The following ABI1 variants were observed in gnomAD, a reference collection of about 807,000 sequenced individuals.
ABI1 encodes abl interactor 1, also known as Abelson interactor 1.
Under a neutral mutation model 54.6 loss-of-function variants are expected in ABI1, and 14 were observed. The observed-to-expected ratio is 0.26, with a 90% confidence interval of 0.17 to 0.40. The LOEUF (loss-of-function observed/expected upper bound fraction) is 0.40. ABI1 is among the 10% of genes least tolerant of loss of function. The pLI is 1.00. For missense variants in ABI1, 443 were observed against 598.3 expected (o/e 0.74, Z 2.71); for synonymous variants, 194 against 209.3 (o/e 0.93, Z 0.63).
At chr10:26,851,359 T>TTTTTTTTTC (rs1564585781) in intron 1 of ABI1, among the ~76,000 whole-genome samples, 4 of 137,786 alleles carry the variant, frequency 2.9e-5, no homozygotes, top group African/African-American at 1.1e-4. Flanking sequence ...TTTTTTTTTT[T>TTTTTTTTTC]TTTTTTTTTT....
chr10:26,855,838 G>A (rs1046832552), intron 1 of ABI1, among the ~76,000 whole-genome samples: 1 of 151,982 alleles, frequency 6.6e-6, no homozygotes, highest in East Asian at 1.9e-4. Context: ...AGGCATGGTG[G>A]TGGGCACCTG....
Position 26,757,517 on chromosome 10 carries a change from T to A in ABI1, c.997+1545A>T, listed in dbSNP as rs888282682. Among the ~76,000 whole-genome samples, 10 of 151,518 alleles carry A rather than the reference T, an allele frequency of 6.6e-5. No individual in the cohort carries two copies. The East Asian group carries it at 1.7e-3, about 26-fold the overall frequency. The stretch of plus-strand genomic sequence containing the variant: ...CTAAAAATTCAGAATATGAAAAAAA[T>A]AAAGTTGATGAAACAAGTGAAGTGA... On this transcript the variant is annotated intron_variant, in intron 8 of 10. Transcript: ENST00000376140.
At chr10:26,806,459 G>A (rs2046883355) in intron 2 of ABI1, among the ~76,000 whole-genome samples, 1 of 152,174 alleles carries the variant, frequency 6.6e-6, no homozygotes, top group Non-Finnish European at 1.5e-5. Context: ...AACAACAGCT[G>A]GACTCCAAGT....
At chr10:26,769,037 A>G (rs774320764) in intron 5 of ABI1, 45 bp from the exon 6 acceptor site, 1 of 1,448,220 alleles carries the variant, frequency 6.9e-7, no homozygotes, top group Admixed American at 2.4e-5. Flanking sequence ...AAAAAAGATA[A>G]AATTGTATTT....
chr10:26,753,873 C>T (rs1189220013), intron 9 of ABI1, among the ~76,000 whole-genome samples: 1 of 152,182 alleles, frequency 6.6e-6, no homozygotes, highest in African/African-American at 2.4e-5. Context: ...CCAAGAGCCT[C>T]TTTAGCAAAG....
At chr10:26,846,178 A>G (rs1589062714) in intron 1 of ABI1, among the ~76,000 whole-genome samples, 1 of 151,646 alleles carries the variant, frequency 6.6e-6, no homozygotes. Context: ...ACCATCACCA[A>G]TTGCTACCAT....
Position 26,772,921 on chromosome 10 carries a change from T to A in ABI1, c.463-1832A>T, listed in dbSNP as rs545980207. On this transcript the variant is annotated intron_variant, in intron 3 of 10. Coordinates refer to ENST00000376140, the MANE Select transcript of ABI1 (RefSeq NM_001012750.3). ...AACCCCTTCTCTTGAAAAAAAAAAATAAAAAATTAGCCAGGCATAGTGGCG... is the reference window on the plus strand; with the variant it reads ...AACCCCTTCTCTTGAAAAAAAAAAAAAAAAAATTAGCCAGGCATAGTGGCG... 0.018 allele frequency among the ~76,000 whole-genome samples: 2,639 copies of A among 150,780 alleles called. 183 individuals are homozygous for A. The South Asian group carries it at 0.19, about 11-fold the overall frequency.
At chr10:26,841,036 C>T (rs1044607643) in intron 1 of ABI1, among the ~76,000 whole-genome samples, 1 of 152,172 alleles carries the variant, frequency 6.6e-6, no homozygotes, top group Non-Finnish European at 1.5e-5. Context: ...TAACATTTTA[C>T]TAAAACATAG....
At chr10:26,783,169 TTGA>T (rs1842340616) in intron 2 of ABI1, among the ~76,000 whole-genome samples, 1 of 152,200 alleles carries the variant, frequency 6.6e-6, no homozygotes, top group African/African-American at 2.4e-5. Flanking sequence ...TGGATGAACC[TTGA>T]GGACATTATT....
chr10:26,854,370 G>A (rs903553324), intron 1 of ABI1, among the ~76,000 whole-genome samples: 1 of 151,094 alleles, frequency 6.6e-6, no homozygotes, highest in African/African-American at 2.4e-5. Context: ...CTCACCTTGA[G>A]AGTATTAGCA....
intron 5 of ABI1, among the ~76,000 whole-genome samples, chr10:26,769,282 T>C: frequency 6.6e-6 from 1 of 152,150 alleles, no homozygotes; most frequent in East Asian, 1.9e-4. Context: ...TGCTCAATAA[T>C]AGCAAACTTT....
chr10:26,805,516 C>A (rs1471797597), intron 2 of ABI1, among the ~76,000 whole-genome samples: 4 of 152,102 alleles, frequency 2.6e-5, no homozygotes, highest in African/African-American at 9.7e-5. Context: ...TTCACCCACA[C>A]TTTGTGATCA....
intron 1 of ABI1, among the ~76,000 whole-genome samples, chr10:26,824,775 T>C (rs554299268): frequency 6.6e-6 from 1 of 152,184 alleles, no homozygotes; most frequent in South Asian, 2.1e-4. Context: ...GGACAGTAGA[T>C]AGAATCCCTT....
intron 1 of ABI1, among the ~76,000 whole-genome samples, chr10:26,831,963 A>C (rs2048705122): frequency 6.6e-6 from 1 of 152,198 alleles, no homozygotes; most frequent in African/African-American, 2.4e-5. Context: ...TAATTTATTG[A>C]TTTTACCAGA....
intron 1 of ABI1, among the ~76,000 whole-genome samples, chr10:26,835,409 T>C (rs1401967189): frequency 6.6e-6 from 1 of 151,980 alleles, no homozygotes; most frequent in Admixed American, 6.6e-5. Context: ...ACCTCGTCTC[T>C]ACAAAAAATT....
intron 2 of ABI1, among the ~76,000 whole-genome samples, chr10:26,816,070 G>T (rs970690009): frequency 6.6e-6 from 1 of 152,172 alleles, no homozygotes; most frequent in African/African-American, 2.4e-5. Context: ...ATTGGTGAAT[G>T]GTCTCTGTAC....
At chr10:26,781,902 A>G (rs1431171162) in intron 2 of ABI1, among the ~76,000 whole-genome samples, 2 of 152,170 alleles carry the variant, frequency 1.3e-5, no homozygotes, top group Non-Finnish European at 2.9e-5. Flanking sequence ...CAGACACAGC[A>G]ACATATCTAT....
At chr10:26,857,228 G>A (rs1341600707) in intron 1 of ABI1, among the ~76,000 whole-genome samples, 1 of 146,018 alleles carries the variant, frequency 6.8e-6, no homozygotes, top group Non-Finnish European at 1.5e-5. Context: ...GGCTGAGGCA[G>A]GAGAATCGCT....
Position 26,822,809 on chromosome 10 carries a change from T to C in ABI1, c.285+329A>G, listed in dbSNP as rs7067689. 4.3e-3 allele frequency among the ~76,000 whole-genome samples: 649 copies of C among 152,296 alleles called. 4 individuals carry two copies. The highest frequency in any genetic ancestry group is 0.015 in the African/African-American group (609 of 41,568). ...GGGTATACATGTGTGTCAAAACTTATAAAAATTCTGTTCTTTATGTACAAA... is the reference window on the plus strand; with the variant it reads ...GGGTATACATGTGTGTCAAAACTTACAAAAATTCTGTTCTTTATGTACAAA... On this transcript the variant is annotated intron_variant, in intron 2 of 10. Coordinates refer to ENST00000376140, the MANE Select transcript of ABI1 (RefSeq NM_001012750.3).
Sources: allele counts gnomAD v4.1 joint callset (sites outside exome capture counted in the v4.1 genomes callset), GRCh38; gene constraint gnomAD v4.1.1; transcripts MANE v1.5; gene names NCBI Gene and HGNC (gene_info 2026-07-23, HGNC 2026-07-21).